HIPK3: variants seen among roughly 807,000 people sequenced by gnomAD.
The protein encoded by HIPK3 is homeodomain interacting protein kinase 3, also known as homeodomain-interacting protein kinase 3.
Under a neutral mutation model 124.2 loss-of-function variants are expected in HIPK3, and 47 were observed. The ratio of observed to expected loss-of-function variants is 0.38; its 90% CI spans 0.30 to 0.48. The LOEUF (loss-of-function observed/expected upper bound fraction) is 0.48. Among genes scored for constraint, HIPK3 ranks in the 20% least tolerant of loss-of-function variants. The pLI, the probability that HIPK3 is intolerant of heterozygous loss-of-function variation, is 0.98. For missense variants in HIPK3, 1,286 were observed against 1,454.3 expected (o/e 0.88, Z 1.88); for synonymous variants, 482 against 515.2 (o/e 0.94, Z 0.87).
At position 33,328,526 on chromosome 11, in the gene HIPK3, T is replaced by C. The variant is rs775895889; in HGVS notation, c.1114T>C (p.Leu372=). 16 of 1,613,454 alleles carry C rather than the reference T, an allele frequency of 9.9e-6. No individual in the cohort carries two copies. Among genetic ancestry groups the C allele is most frequent in the African/African-American group, 4.0e-5 (3 of 74,920 alleles). Residue 372 remains leucine, a synonymous_variant, in exon 3 of 17, where the codon TTG becomes CTG. Coordinates refer to ENST00000303296, the MANE Select transcript of HIPK3 (RefSeq NM_005734.5). ...SRYYRAPEII[L]GLPFCEAIDM... ...AAATTTCAGAGCTCCAGAGATTATA[T>C]TGGGGTTGCCATTTTGTGAAGCCAT...
intron 2 of HIPK3, among the ~76,000 whole-genome samples, chr11:33,312,635 C>A (rs1215995297): frequency 6.6e-6 from 1 of 152,144 alleles, no homozygotes; most frequent in African/African-American, 2.4e-5. Flanking sequence ...TGATAAGATA[C>A]ATATATAAAT....
chr11:33,256,801 A>G (rs200582945), upstream of HIPK3: 3 of 329,302 alleles, frequency 9.1e-6, no homozygotes, highest in Non-Finnish European at 1.0e-5. Context: ...AGATGCTCTT[A>G]AAATTTCCAA....
intron 1 of HIPK3, among the ~76,000 whole-genome samples, chr11:33,262,430 G>T (rs987788767): frequency 3.3e-5 from 5 of 152,214 alleles, no homozygotes; most frequent in African/African-American, 1.2e-4. Context: ...GTTCTCAGTT[G>T]ATACTTGGAA....
intron 2 of HIPK3, among the ~76,000 whole-genome samples, chr11:33,311,837 TACACACACACACAC>T (rs370396153): frequency 1.9e-5 from 2 of 104,408 alleles, no homozygotes; most frequent in African/African-American, 3.8e-5. Context: ...ACCCTGTTTC[TACACACACACACAC>T]ACACACACAC....
At chr11:33,326,713 T>A (rs1190584228) in intron 2 of HIPK3, among the ~76,000 whole-genome samples, 1 of 150,538 alleles carries the variant, frequency 6.6e-6, no homozygotes, top group Non-Finnish European at 1.5e-5. Flanking sequence ...GCTCTGTCCC[T>A]CAGGCTGGAG....
chr11:33,257,543 C>G lies in HIPK3; in HGVS notation c.-349C>G. ...GCCGTGGGCCCCGCACCCTGCGTCG[C>G]CCGTAGGCCCCAGTAGCCGGAGGCC... On this transcript the variant is annotated 5_prime_UTR_variant, in exon 1 of 17. Transcript: ENST00000303296. 1.0e-6 allele frequency: 1 copy of G among 985,594 alleles called. No individual in the cohort carries two copies. The highest frequency in any genetic ancestry group is 1.2e-6 in the Non-Finnish European group (1 of 830,060). 61.1% of individuals were successfully genotyped at this position (985,594 alleles called of 1,614,324 possible).
At chr11:33,328,276 A>T (rs1297782091) in intron 2 of HIPK3, among the ~76,000 whole-genome samples, 1 of 152,206 alleles carries the variant, frequency 6.6e-6, no homozygotes, top group Non-Finnish European at 1.5e-5. Flanking sequence ...TAAAACTATA[A>T]GGGAAAAGGA....
At chr11:33,330,834 G>A (rs528090545) in intron 3 of HIPK3, among the ~76,000 whole-genome samples, 3 of 148,776 alleles carry the variant, frequency 2.0e-5, no homozygotes, top group Non-Finnish European at 4.5e-5. Context: ...ACTTTCAAGT[G>A]CTTTTTTTTT....
At chr11:33,347,218 G>A (rs575699055) in intron 8 of HIPK3, 75 bp from the exon 9 acceptor site, 1 of 1,354,254 alleles carries the variant, frequency 7.4e-7, no homozygotes, top group East Asian at 2.6e-5. Flanking sequence ...AGCAATTCTT[G>A]ACATTTAAAA....
At chr11:33,293,581 A>G (rs1851758500) in intron 2 of HIPK3, among the ~76,000 whole-genome samples, 1 of 151,950 alleles carries the variant, frequency 6.6e-6, no homozygotes, top group Non-Finnish European at 1.5e-5. Flanking sequence ...AGGTTCATCC[A>G]TGTTGTAGGA....
chr11:33,338,626 A>G, intron 4 of HIPK3, 131 bp from the exon 5 acceptor site: 1 of 509,048 alleles, frequency 2.0e-6, no homozygotes, highest in Non-Finnish European at 3.3e-6. Flanking sequence ...ACTTTAAAAA[A>G]TACATTTTTG....
chr11:33,301,344 C>A (rs962228912), intron 2 of HIPK3, among the ~76,000 whole-genome samples: 1 of 152,176 alleles, frequency 6.6e-6, no homozygotes. Context: ...CCTCCCCAAA[C>A]TCCTTCTCTC....
intron 2 of HIPK3, among the ~76,000 whole-genome samples, chr11:33,298,499 A>G (rs1306004858): frequency 5.3e-5 from 8 of 152,334 alleles, no homozygotes; most frequent in South Asian, 4.1e-4. Flanking sequence ...TCTTTAAGAA[A>G]TATGTTTGGT....
At position 33,301,820 on chromosome 11, in the gene HIPK3, T is replaced by TCACACACACACACACACACACACA. The variant is rs1565073677; in HGVS notation, c.1097+14309_1097+14310insCACACACACACACACACACACACA. Among the ~76,000 whole-genome samples, 4 of 24,878 alleles carry TCACACACACACACACACACACACA rather than the reference T, an allele frequency of 1.6e-4. No homozygotes were observed. In the East Asian group the frequency reaches 3.7e-3, roughly 23 times the overall value. 16.3% of individuals were successfully genotyped at this position (24,878 alleles called of 152,430 possible). The stretch of plus-strand genomic sequence containing the variant: ...CTGGGCAACAGAGTGAAACCCTGTC[T>TCACACACACACACACACACACACA]GACACACACACACACACACACACAC... On this transcript the variant is annotated intron_variant, in intron 2 of 16. Transcript: ENST00000303296.
intron 1 of HIPK3, among the ~76,000 whole-genome samples, chr11:33,267,108 G>A (rs765058495): frequency 4.6e-5 from 7 of 151,604 alleles, no homozygotes; most frequent in Admixed American, 2.0e-4. Flanking sequence ...AACAAAAGGC[G>A]AAAACATTTC....
chr11:33,282,043 C>CG (rs1851425602), intron 1 of HIPK3, among the ~76,000 whole-genome samples: 2 of 152,156 alleles, frequency 1.3e-5, no homozygotes, highest in African/African-American at 4.8e-5. Context: ...TTTCATGTCT[C>CG]TCTCATGCTT....
At chr11:33,274,923 G>A (rs928920392) in intron 1 of HIPK3, among the ~76,000 whole-genome samples, 1 of 152,134 alleles carries the variant, frequency 6.6e-6, no homozygotes, top group Non-Finnish European at 1.5e-5. Context: ...AATACTGCTG[G>A]AAAATACCCA....
chr11:33,266,633 G>C (rs537236598), intron 1 of HIPK3, among the ~76,000 whole-genome samples: 2 of 152,258 alleles, frequency 1.3e-5, no homozygotes, highest in East Asian at 3.9e-4. Context: ...CCTGAGCCCA[G>C]GGAGGTCGAT....
Position 33,287,047 on chromosome 11 carries a change from A to G in HIPK3, c.633A>G (p.Val211=), listed in dbSNP as rs55650492. The change falls in exon 2 of 17, where the codon GTA becomes GTG. Residue 211 remains valine (V), a synonymous_variant. Transcript: ENST00000303296. ...TTGGTCGAGGCACGTTTGGCCAGGT[A>G]GTTAAATGCTGGAAAAGAGGGACAA... ...DFLGRGTFGQ[V]VKCWKRGTNE... is the part of the protein sequence containing the mutation. 6.8e-4 allele frequency: 1,100 copies of G among 1,614,224 alleles called. 9 individuals carry two copies. The East Asian group carries it at 0.02, about 29-fold the overall frequency.
Sources: allele counts gnomAD v4.1 joint callset (sites outside exome capture counted in the v4.1 genomes callset), GRCh38; gene constraint gnomAD v4.1.1; transcripts MANE v1.5; gene names NCBI Gene and HGNC (gene_info 2026-07-23, HGNC 2026-07-21).